The following TXNDC12 variants were observed in gnomAD, a reference collection of about 807,000 sequenced individuals.
TXNDC12 encodes the protein thioredoxin domain containing 12.
In TXNDC12, 22 loss-of-function variants were observed where a neutral mutation model predicts 24.2. The ratio of observed to expected loss-of-function variants is 0.91; its 90% CI spans 0.65 to 1.30. The LOEUF is 1.30. Among genes scored for constraint, TXNDC12 ranks in the 50% most tolerant of loss-of-function variants. TXNDC12 has a pLI of 0.00. For missense variants in TXNDC12, 184 were observed against 205.8 expected, an observed-to-expected ratio of 0.89 and a Z score of 0.65; for synonymous variants, 58 against 73.4, an observed-to-expected ratio of 0.79 and a Z score of 1.07.
chr1:52,022,753 G>C (rs1205811371), intron 6 of TXNDC12, among the ~76,000 whole-genome samples: 1 of 147,726 alleles, frequency 6.8e-6, no homozygotes, highest in Non-Finnish European at 1.5e-5. Flanking sequence ...CCATTCTCCT[G>C]CCTCAGCCTC....
intron 1 of TXNDC12, among the ~76,000 whole-genome samples, chr1:52,045,601 G>A (rs968796906): frequency 5.9e-5 from 9 of 152,044 alleles, no homozygotes; most frequent in Admixed American, 3.9e-4. Flanking sequence ...TGTTTAAGCC[G>A]GTTAGTCTGT....
At chr1:52,043,046 A>T (rs1686024521) in intron 1 of TXNDC12, among the ~76,000 whole-genome samples, 1 of 152,194 alleles carries the variant, frequency 6.6e-6, no homozygotes, top group Non-Finnish European at 1.5e-5. Flanking sequence ...TACAGGCATG[A>T]GCCACCGCAC....
chr1:52,030,054 A>C (rs185782884), intron 2 of TXNDC12, among the ~76,000 whole-genome samples: 1 of 152,182 alleles, frequency 6.6e-6, no homozygotes, highest in African/African-American at 2.4e-5. Context: ...TGCTCAATAG[A>C]GTAAATATTT....
intron 4 of TXNDC12, among the ~76,000 whole-genome samples, chr1:52,025,200 A>G (rs892704747): frequency 6.6e-6 from 1 of 152,116 alleles, no homozygotes; most frequent in African/African-American, 2.4e-5. Context: ...CAGGAGATTA[A>G]AAACCTACAC....
At chr1:52,049,652 T>A (rs1368152897) in intron 1 of TXNDC12, among the ~76,000 whole-genome samples, 3 of 152,044 alleles carry the variant, frequency 2.0e-5, no homozygotes, top group Admixed American at 2.0e-4. Flanking sequence ...AAATTTACAT[T>A]GGAATTTTTT....
intron 2 of TXNDC12, chr1:52,030,272 C>T (rs1182694665): frequency 6.6e-6 from 1 of 151,956 alleles, no homozygotes; most frequent in Non-Finnish European, 1.5e-5. Flanking sequence ...CACAGCACTT[C>T]ACTCCAGCCT....
At chr1:52,045,091 G>A (rs1187494087) in intron 1 of TXNDC12, among the ~76,000 whole-genome samples, 1 of 152,072 alleles carries the variant, frequency 6.6e-6, no homozygotes, top group African/African-American at 2.4e-5. Context: ...AAGGAAAGGA[G>A]TAATCAAGCC....
intron 2 of TXNDC12, chr1:52,033,437 G>A (rs201861316): frequency 2.5e-6 from 4 of 1,612,856 alleles, no homozygotes; most frequent in Admixed American, 1.7e-5. Flanking sequence ...CCGCCGGGCC[G>A]TACGCAGTAG....
intron 6 of TXNDC12, among the ~76,000 whole-genome samples, chr1:52,022,547 C>G (rs1175940345): frequency 6.6e-6 from 1 of 151,880 alleles, no homozygotes; most frequent in Non-Finnish European, 1.5e-5. Context: ...CGCCACTTCA[C>G]TTCCATAGCT....
At chr1:52,021,538 G>A (rs942696329) in intron 6 of TXNDC12, among the ~76,000 whole-genome samples, 6 of 146,196 alleles carry the variant, frequency 4.1e-5, no homozygotes, top group African/African-American at 1.5e-4. Context: ...AACTATACAT[G>A]GATGAAGCCA....
intron 2 of TXNDC12, 60 bp downstream of exon 2, chr1:52,041,477 T>A (rs1685988967): frequency 8.0e-7 from 1 of 1,252,572 alleles, no homozygotes. Context: ...GAAATTAACG[T>A]TAAGTTGATA....
chr1:52,033,020 G>A (rs779297184), intron 2 of TXNDC12: 14 of 1,571,768 alleles, frequency 8.9e-6, no homozygotes, highest in Non-Finnish European at 1.2e-5. Context: ...TTCTCAAACA[G>A]GGCAGAGCGG....
At chr1:52,021,707 T>A (rs1248050394) in intron 6 of TXNDC12, among the ~76,000 whole-genome samples, 1 of 152,164 alleles carries the variant, frequency 6.6e-6, no homozygotes, top group African/African-American at 2.4e-5. Context: ...GGCTCCTGAA[T>A]GGTGGTTCTA....
chr1:52,020,770 TTC>T lies in TXNDC12; in HGVS notation c.*161_*162del. ...TGGATCCACAAACATGCAGACCAGC[TTC>T]TGTTAGCAGAACTCTTCCACAGTGA... On this transcript the variant is annotated 3_prime_UTR_variant, in exon 7 of 7. Transcript: ENST00000371626. 4 of 577,612 alleles carry T rather than the reference TTC, an allele frequency of 6.9e-6. No homozygotes were observed. The highest frequency in any genetic ancestry group is 1.2e-5 in the Non-Finnish European group (4 of 329,170). 35.8% of individuals were successfully genotyped at this position (577,612 alleles called of 1,614,324 possible). A position where few individuals can be genotyped will look rare whatever the true frequency, so the allele number is the denominator to read the frequency against.
chr1:52,023,247 G>C, intron 6 of TXNDC12: 1 of 388,380 alleles, frequency 2.6e-6, no homozygotes, highest in Non-Finnish European at 4.7e-6. Flanking sequence ...ATGGGCAAGT[G>C]ACTACCTCAG....
At chr1:52,050,201 G>A (rs1686174703) in intron 1 of TXNDC12, among the ~76,000 whole-genome samples, 1 of 152,136 alleles carries the variant, frequency 6.6e-6, no homozygotes, top group Non-Finnish European at 1.5e-5. Flanking sequence ...TTCAGATCTG[G>A]AAAACTTGGG....
At chr1:52,024,701 A>G in intron 4 of TXNDC12, 122 bp from the exon 5 acceptor site, 1 of 699,156 alleles carries the variant, frequency 1.4e-6, no homozygotes, top group Non-Finnish European at 2.5e-6. Context: ...ATAAGGCCCT[A>G]CATGATCTAT....
chr1:52,048,412 G>A (rs925567861), intron 1 of TXNDC12, among the ~76,000 whole-genome samples: 2 of 151,528 alleles, frequency 1.3e-5, no homozygotes, highest in Admixed American at 6.6e-5. Context: ...GATACAGTGA[G>A]CTATGATGGC....
chr1:52,038,579 T>C (rs1685926978), intron 2 of TXNDC12, among the ~76,000 whole-genome samples: 1 of 152,204 alleles, frequency 6.6e-6, no homozygotes, highest in Admixed American at 6.5e-5. Context: ...GCCAAAGTGC[T>C]GGGATTACGG....
Sources: gnomAD v4.1 joint callset for allele counts (sites outside exome capture counted in the v4.1 genomes callset) on GRCh38, gnomAD v4.1.1 for gene constraint, MANE v1.5 for transcripts, NCBI Gene and HGNC (gene_info 2026-07-23, HGNC 2026-07-21) for gene names.